The following PTPRN2 variants were observed in gnomAD, a reference collection of about 807,000 sequenced individuals.
PTPRN2 encodes protein tyrosine phosphatase receptor type N2, also known as receptor-type tyrosine-protein phosphatase N2.
PTPRN2 carries 74 observed loss-of-function variants against 118.8 expected under a neutral mutation model. The observed-to-expected ratio is 0.62, with a 90% CI of 0.52 to 0.76. The LOEUF (loss-of-function observed/expected upper bound fraction) is 0.76. Among genes scored for constraint, PTPRN2 ranks in the 30% least tolerant of loss-of-function variants. The probability of loss-of-function intolerance (pLI) is 0.00; values close to 1 mark genes in which losing one functional copy is unlikely to be tolerated. For synonymous variants in PTPRN2, 641 were observed against 608.0 expected (o/e 1.05, Z -0.80); for missense variants, 1,481 against 1,394.4 (o/e 1.06, Z -0.99).
chr7:157,940,598 CACTG>C, intron 11 of PTPRN2, among the ~76,000 whole-genome samples: 1 of 150,398 alleles, frequency 6.6e-6, no homozygotes, highest in Non-Finnish European at 1.5e-5. Flanking sequence ...TCCCCAGTGA[CACTG>C]CAAATCTATC....
intron 3 of PTPRN2, among the ~76,000 whole-genome samples, chr7:158,278,910 T>A (rs992621231): frequency 6.6e-6 from 1 of 152,246 alleles, no homozygotes; most frequent in Middle Eastern, 3.4e-3. Flanking sequence ...TTACAGCTCA[T>A]AAAGGTAGCA....
chr7:158,095,936 T>C (rs1183430999), intron 10 of PTPRN2, among the ~76,000 whole-genome samples: 1 of 152,204 alleles, frequency 6.6e-6, no homozygotes, highest in African/African-American at 2.4e-5. Context: ...AACTCAGAAC[T>C]GCCTGGGAAA....
At position 158,546,580 on chromosome 7, in the gene PTPRN2, G is replaced by A. The variant is rs112277249; in HGVS notation, c.112+40978C>T. Among the ~76,000 whole-genome samples, 1,154 of 152,270 alleles carry A rather than the reference G, an allele frequency of 7.6e-3. 12 individuals are homozygous for A. Among genetic ancestry groups the A allele is most frequent in the African/African-American group, 0.026 (1,084 of 41,546 alleles). Reference sequence around the variant, plus strand: ...CAGGAAGCACCCTGGGAAGCCCATCGCCTGTTGCCCTCCCAGGCCACACCT... The same window carrying A: ...CAGGAAGCACCCTGGGAAGCCCATCACCTGTTGCCCTCCCAGGCCACACCT... On this transcript the variant is annotated intron_variant, in intron 1 of 22. Transcript: ENST00000389418. This position sits in a 1 kb window ranked among gnomAD's most constrained non-coding sequence, Gnocchi z 5.0.
rs78787549 is a variant in PTPRN2, at chr7:158,421,091, G to A, written c.163+68644C>T. ...GGTCATTTCTGGACTGAGGATTCCC[G>A]TACCCCATTAGACGTGTGTGGCTCA... On this transcript the variant is annotated intron_variant, in intron 2 of 22. Transcript: ENST00000389418. 2.1e-3 allele frequency among the ~76,000 whole-genome samples: 321 copies of A among 152,250 alleles called. 3 individuals carry two copies. The highest frequency in any genetic ancestry group is 7.3e-3 in the African/African-American group (302 of 41,548).
intron 2 of PTPRN2, among the ~76,000 whole-genome samples, chr7:158,477,736 G>A (rs1333836665): frequency 6.6e-6 from 1 of 152,194 alleles, no homozygotes; most frequent in Non-Finnish European, 1.5e-5. Flanking sequence ...AGAAATCCAT[G>A]TCTATTTCCA....
At chr7:158,456,290 G>C (rs1299169509) in intron 2 of PTPRN2, among the ~76,000 whole-genome samples, 2 of 148,650 alleles carry the variant, frequency 1.3e-5, no homozygotes, top group Non-Finnish European at 3.0e-5. Flanking sequence ...GCTCCACAGA[G>C]AAGATAATGG....
chr7:158,562,172 C>G (rs1017435978), intron 1 of PTPRN2, among the ~76,000 whole-genome samples: 1 of 152,154 alleles, frequency 6.6e-6, no homozygotes, highest in African/African-American at 2.4e-5. Flanking sequence ...GCTGTGAAGT[C>G]GGAGAGCAGG....
At chr7:158,475,092 G>A (rs1279133565) in intron 2 of PTPRN2, among the ~76,000 whole-genome samples, 3 of 152,128 alleles carry the variant, frequency 2.0e-5, no homozygotes, top group Non-Finnish European at 4.4e-5. Flanking sequence ...ACCTTCTCAT[G>A]CAGAAGAGCT....
intron 2 of PTPRN2, among the ~76,000 whole-genome samples, chr7:158,350,219 T>C (rs976102516): frequency 6.6e-6 from 1 of 152,178 alleles, no homozygotes; most frequent in Admixed American, 6.5e-5. Flanking sequence ...CCCTAAGAGT[T>C]GCTGCCCGAG....
chr7:157,828,676 T>G (rs1807348140), intron 12 of PTPRN2, among the ~76,000 whole-genome samples: 1 of 152,116 alleles, frequency 6.6e-6, no homozygotes. Context: ...CAAGTATCTG[T>G]TTATGAGACA....
intron 11 of PTPRN2, among the ~76,000 whole-genome samples, chr7:158,000,412 C>T (rs1051293880): frequency 6.6e-6 from 1 of 151,958 alleles, no homozygotes; most frequent in Non-Finnish European, 1.5e-5. Context: ...CTGGAATCAC[C>T]CAACACGTGA....
chr7:158,148,996 T>C (rs1419274241), intron 6 of PTPRN2, among the ~76,000 whole-genome samples: 5 of 132,692 alleles, frequency 3.8e-5, no homozygotes, highest in East Asian at 4.6e-4. Flanking sequence ...CCACACATCT[T>C]TCCCCCTCAA....
At chr7:158,388,705 C>T (rs568333525) in intron 2 of PTPRN2, among the ~76,000 whole-genome samples, 1 of 152,124 alleles carries the variant, frequency 6.6e-6, no homozygotes, top group African/African-American at 2.4e-5. Flanking sequence ...GTTGGGGGGG[C>T]CTGAAAGGCC....
intron 12 of PTPRN2, among the ~76,000 whole-genome samples, chr7:157,848,259 T>C (rs1809017612): frequency 6.7e-6 from 1 of 148,200 alleles, no homozygotes; most frequent in Non-Finnish European, 1.5e-5. Flanking sequence ...CATTACATCA[T>C]GTGTGCCTGA....
chr7:158,243,559 C>T (rs1796014659), intron 3 of PTPRN2, among the ~76,000 whole-genome samples: 1 of 152,194 alleles, frequency 6.6e-6, no homozygotes, highest in African/African-American at 2.4e-5. Flanking sequence ...CAAACTCCAC[C>T]ACAGATACCA....
chr7:158,061,555 G>T (rs1414317182), intron 11 of PTPRN2, among the ~76,000 whole-genome samples: 1 of 152,222 alleles, frequency 6.6e-6, no homozygotes, highest in African/African-American at 2.4e-5. Context: ...AGCATAAACA[G>T]TCGTGGTGGC....
intron 3 of PTPRN2, among the ~76,000 whole-genome samples, chr7:158,257,405 C>A (rs1295624276): frequency 6.6e-6 from 1 of 152,154 alleles, no homozygotes; most frequent in African/African-American, 2.4e-5. Flanking sequence ...AATGAGATGG[C>A]GTGATTTGAG....
At chr7:158,541,166 T>C (rs1022498002) in intron 1 of PTPRN2, among the ~76,000 whole-genome samples, 2 of 152,312 alleles carry the variant, frequency 1.3e-5, no homozygotes, top group African/African-American at 2.4e-5. Context: ...TGGCACCTCA[T>C]AAATCGGTGC....
At chr7:158,541,234 C>T (rs1825967809) in intron 1 of PTPRN2, among the ~76,000 whole-genome samples, 1 of 152,150 alleles carries the variant, frequency 6.6e-6, no homozygotes. Flanking sequence ...TTCAAAGGGA[C>T]ATTCAAATTC....
Sources: allele counts gnomAD v4.1 joint callset (sites outside exome capture counted in the v4.1 genomes callset), GRCh38; gene constraint gnomAD v4.1.1; non-coding constraint Gnocchi (gnomAD v3.1); transcripts MANE v1.5; gene names NCBI Gene and HGNC (gene_info 2026-07-23, HGNC 2026-07-21).